Variants in CHCHD3 observed in about 807,000 individuals in gnomAD.
CHCHD3 encodes the protein coiled-coil-helix-coiled-coil-helix domain containing 3, also known as MICOS complex subunit MIC19.
In CHCHD3, 20 loss-of-function variants were observed where a neutral mutation model predicts 38.2. The observed-to-expected ratio is 0.52, with a 90% CI of 0.37 to 0.76. CHCHD3 has a LOEUF of 0.76. Among genes scored for constraint, CHCHD3 ranks in the 30% least tolerant of loss-of-function variants. The probability of loss-of-function intolerance (pLI) is 0.00; values close to 1 mark genes in which losing one functional copy is unlikely to be tolerated. For missense variants in CHCHD3, 245 were observed against 279.2 expected, an observed-to-expected ratio of 0.88 and a Z score of 0.87; for synonymous variants, 82 against 100.0, an observed-to-expected ratio of 0.82 and a Z score of 1.07.
At chr7:133,024,493 T>C in intron 3 of CHCHD3, 53 bp downstream of exon 3, 3 of 1,188,538 alleles carry the variant, frequency 2.5e-6, no homozygotes, top group Non-Finnish European at 3.8e-6. Context: ...CTAAAAATAC[T>C]GGTAAATATG....
At chr7:133,052,322 A>G (rs1814192681) in intron 2 of CHCHD3, among the ~76,000 whole-genome samples, 1 of 152,192 alleles carries the variant, frequency 6.6e-6, no homozygotes, top group African/African-American at 2.4e-5. Context: ...TCCCTCCTAC[A>G]TAAAGTTTAG....
At chr7:132,930,160 C>T (rs999683948) in intron 4 of CHCHD3, among the ~76,000 whole-genome samples, 6 of 144,610 alleles carry the variant, frequency 4.1e-5, no homozygotes, top group Non-Finnish European at 7.6e-5. Context: ...CCTCCCACTC[C>T]TAATTTTTTT....
At chr7:132,856,346 T>G (rs1234279716) in intron 5 of CHCHD3, among the ~76,000 whole-genome samples, 2 of 152,228 alleles carry the variant, frequency 1.3e-5, no homozygotes, top group Non-Finnish European at 2.9e-5. Context: ...GCATATTCAC[T>G]CTACACAAAA....
At chr7:132,896,949 G>GT (rs1464196454) in intron 4 of CHCHD3, among the ~76,000 whole-genome samples, 1 of 152,178 alleles carries the variant, frequency 6.6e-6, no homozygotes, top group Non-Finnish European at 1.5e-5. Context: ...GCAGGAAGGG[G>GT]TTTTTACTAT....
chr7:132,844,215 T>C (rs190803663), intron 5 of CHCHD3, among the ~76,000 whole-genome samples: 1 of 152,252 alleles, frequency 6.6e-6, no homozygotes, highest in Admixed American at 6.5e-5. Context: ...TGAGAATTGC[T>C]TGAACCCAGG....
rs866577369 is a variant in CHCHD3 at position 132,984,623 on chromosome 7, T to C, written c.252-9337A>G. ...CATCCCATCTAGGAAGTGAGGAGCG[T>C]CTCTGCCAGGCCGCCCATCGTCTGA... On this transcript the variant is annotated intron_variant, in intron 3 of 7. Transcript: ENST00000262570. 9.0e-4 allele frequency among the ~76,000 whole-genome samples: 125 copies of C among 139,218 alleles called. No individual in the cohort carries two copies. The Middle Eastern group carries it at 0.015, about 17-fold the overall frequency. 91.3% of individuals were successfully genotyped at this position (139,218 alleles called of 152,430 possible).
intron 6 of CHCHD3, among the ~76,000 whole-genome samples, chr7:132,825,043 C>G (rs376681979): frequency 6.6e-6 from 1 of 152,116 alleles, no homozygotes; most frequent in African/African-American, 2.4e-5. Flanking sequence ...GTAATAATTC[C>G]TGCATCAAGT....
intron 2 of CHCHD3, among the ~76,000 whole-genome samples, chr7:133,068,141 CTTAT>C (rs919979914): frequency 6.6e-6 from 1 of 151,878 alleles, no homozygotes; most frequent in African/African-American, 2.4e-5. Context: ...AAAAACGTGG[CTTAT>C]TTATTTACAT....
intron 3 of CHCHD3, among the ~76,000 whole-genome samples, chr7:132,990,349 A>G (rs1368720601): frequency 6.6e-6 from 1 of 152,166 alleles, no homozygotes; most frequent in East Asian, 1.9e-4. Context: ...CTGGAGCTAG[A>G]CAATCATGAA....
At chr7:133,010,159 G>T (rs1349988850) in intron 3 of CHCHD3, among the ~76,000 whole-genome samples, 1 of 152,178 alleles carries the variant, frequency 6.6e-6, no homozygotes, top group Non-Finnish European at 1.5e-5. Context: ...GTCAGGTCAA[G>T]GTACTTGCCC....
chr7:132,791,299 G>A (rs1806453867), intron 7 of CHCHD3, among the ~76,000 whole-genome samples: 2 of 152,150 alleles, frequency 1.3e-5, no homozygotes, highest in Non-Finnish European at 2.9e-5. Context: ...TGACACGACA[G>A]GAAAAATACC....
At chr7:132,790,433 T>C (rs916314100) in intron 7 of CHCHD3, among the ~76,000 whole-genome samples, 8 of 152,132 alleles carry the variant, frequency 5.3e-5, no homozygotes, top group Non-Finnish European at 1.0e-4. Context: ...ACGATTACTC[T>C]CAGAAAGTGG....
intron 4 of CHCHD3, among the ~76,000 whole-genome samples, chr7:132,960,251 A>G (rs922823958): frequency 6.6e-6 from 1 of 152,158 alleles, no homozygotes; most frequent in Non-Finnish European, 1.5e-5. Flanking sequence ...ACAAAAAAAA[A>G]AATATTCAAA....
At chr7:132,842,639 C>T (rs1326096329) in intron 5 of CHCHD3, among the ~76,000 whole-genome samples, 1 of 152,170 alleles carries the variant, frequency 6.6e-6, no homozygotes, top group Non-Finnish European at 1.5e-5. Flanking sequence ...ATGACCTTGA[C>T]ACTTCTGAAG....
intron 3 of CHCHD3, among the ~76,000 whole-genome samples, chr7:132,986,688 T>C (rs1812133746): frequency 6.6e-6 from 1 of 152,158 alleles, no homozygotes; most frequent in South Asian, 2.1e-4. Flanking sequence ...AAGAAAATCA[T>C]TGAGAAGAAA....
In CHCHD3 at chr7:132,910,048, T is replaced by C. The variant is rs141483709; in HGVS notation, c.370-24303A>G. 8.8e-4 allele frequency among the ~76,000 whole-genome samples: 134 copies of C among 152,346 alleles called. No individual in the cohort carries two copies. The Middle Eastern group carries it at 0.031, about 35-fold the overall frequency. The stretch of plus-strand genomic sequence containing the variant: ...CAAGTGCACTTATAAGCAGACTTTT[T>C]CCAACTCAAAGCAGATCCAAAATAC... On this transcript the variant is annotated intron_variant, in intron 4 of 7. Coordinates refer to ENST00000262570, the MANE Select transcript of CHCHD3 (RefSeq NM_017812.4).
rs914170430 is a variant in CHCHD3, at chr7:133,035,363, A to G, written c.170-10736T>C. ...TGCAGGTGAGGAACCAGCGGTTGGTATTGCGAAAGGCCCGGCGGAAAGAAG... is the reference window on the plus strand; with the variant it reads ...TGCAGGTGAGGAACCAGCGGTTGGTGTTGCGAAAGGCCCGGCGGAAAGAAG... On this transcript the variant is annotated intron_variant, in intron 2 of 7. Transcript: ENST00000262570. This position sits in a 1 kb window ranked among gnomAD's most constrained non-coding sequence, Gnocchi z 4.7. 5.0e-6 allele frequency: 8 copies of G among 1,612,708 alleles called. No individual in the cohort carries two copies. In the African/African-American group the frequency reaches 9.3e-5, roughly 19 times the overall value.
intron 7 of CHCHD3, among the ~76,000 whole-genome samples, chr7:132,787,314 T>C (rs1420856665): frequency 6.6e-6 from 1 of 151,984 alleles, no homozygotes; most frequent in East Asian, 1.9e-4. Context: ...CTCAGCATGA[T>C]GGATCCAACA....
At chr7:133,058,322 G>A (rs1266041221) in intron 2 of CHCHD3, among the ~76,000 whole-genome samples, 2 of 151,492 alleles carry the variant, frequency 1.3e-5, no homozygotes, top group Non-Finnish European at 2.9e-5. Context: ...ACACTTCCAA[G>A]CTCGATCTCC....
Sources: gnomAD v4.1 joint callset for allele counts (sites outside exome capture counted in the v4.1 genomes callset) on GRCh38, gnomAD v4.1.1 for gene constraint, Gnocchi (gnomAD v3.1) non-coding constraint, MANE v1.5 for transcripts, NCBI Gene and HGNC (gene_info 2026-07-23, HGNC 2026-07-21) for gene names.